Variants in SESTD1 observed in about 807,000 individuals in gnomAD.
The protein encoded by SESTD1 is SEC14 and spectrin domain containing 1, also known as SEC14 domain and spectrin repeat-containing protein 1.
SESTD1 carries 43 observed loss-of-function variants against 101.7 expected under a neutral mutation model. The observed-to-expected ratio is 0.42, with a 90% CI of 0.33 to 0.55. The LOEUF (loss-of-function observed/expected upper bound fraction) is 0.55. Ranked by LOEUF, SESTD1 falls within the 20% of genes least tolerant of loss-of-function variation. The pLI is 0.07. For synonymous variants in SESTD1, 283 were observed against 286.8 expected, an observed-to-expected ratio of 0.99 and a Z score of 0.13; for missense variants, 647 against 815.1, an observed-to-expected ratio of 0.79 and a Z score of 2.51.
chr2:179,185,837 T>C (rs1402571299), intron 2 of SESTD1, among the ~76,000 whole-genome samples: 1 of 131,072 alleles, frequency 7.6e-6, no homozygotes. Context: ...ATATAATATA[T>C]AATATAGCAT....
intron 12 of SESTD1, 72 bp downstream of exon 12, chr2:179,123,639 CTTAA>C (rs2044801189): frequency 4.3e-6 from 4 of 940,260 alleles, no homozygotes; most frequent in Non-Finnish European, 4.8e-6. Flanking sequence ...TGTAAGTTGA[CTTAA>C]TTGTCTAACC....
intron 1 of SESTD1, among the ~76,000 whole-genome samples, chr2:179,220,381 G>A (rs1269611096): frequency 6.6e-6 from 1 of 152,028 alleles, no homozygotes. Context: ...ACCAAAATAG[G>A]AGCAGCAAAA....
At chr2:179,116,908 A>G in intron 14 of SESTD1, 118 bp from the exon 15 acceptor site, 2 of 1,317,934 alleles carry the variant, frequency 1.5e-6, no homozygotes, top group Non-Finnish European at 2.0e-6. Flanking sequence ...TTATAACCTA[A>G]AGTCTTAAAA....
At chr2:179,226,291 G>A (rs1400486916) in intron 1 of SESTD1, among the ~76,000 whole-genome samples, 1 of 152,074 alleles carries the variant, frequency 6.6e-6, no homozygotes, top group Non-Finnish European at 1.5e-5. Context: ...TAAGACTGCT[G>A]AGAAGACAGG....
At chr2:179,158,308 G>A (rs2045667955) in intron 5 of SESTD1, among the ~76,000 whole-genome samples, 1 of 152,008 alleles carries the variant, frequency 6.6e-6, no homozygotes, top group African/African-American at 2.4e-5. Flanking sequence ...TACCTATCTT[G>A]TCCAATGAAG....
At chr2:179,241,048 C>A (rs748983260) in intron 1 of SESTD1, among the ~76,000 whole-genome samples, 5 of 151,676 alleles carry the variant, frequency 3.3e-5, no homozygotes, top group Admixed American at 6.6e-5. Context: ...CAAATGGAAA[C>A]TTTAGAACCA....
At chr2:179,111,941 C>T (rs1227832515) in intron 17 of SESTD1, among the ~76,000 whole-genome samples, 4 of 152,036 alleles carry the variant, frequency 2.6e-5, no homozygotes, top group Non-Finnish European at 5.9e-5. Flanking sequence ...GGATGGTCTC[C>T]ATCTCCTGAC....
At chr2:179,215,545 G>T (rs549107984) in intron 1 of SESTD1, among the ~76,000 whole-genome samples, 1 of 133,728 alleles carries the variant, frequency 7.5e-6, no homozygotes, top group African/African-American at 3.0e-5. Flanking sequence ...ATTCACAGCC[G>T]AATTCTAACA....
chr2:179,206,999 C>T (rs1346404162), intron 1 of SESTD1, among the ~76,000 whole-genome samples: 1 of 133,428 alleles, frequency 7.5e-6, no homozygotes, highest in African/African-American at 3.0e-5. Flanking sequence ...GAACATAACT[C>T]CATTGGCCTG....
chr2:179,247,539 C>A (rs550866726), intron 1 of SESTD1, among the ~76,000 whole-genome samples: 1 of 152,314 alleles, frequency 6.6e-6, no homozygotes. Flanking sequence ...ATCCCTCCCA[C>A]ATCAGCTCCT....
intron 1 of SESTD1, among the ~76,000 whole-genome samples, chr2:179,257,230 G>T (rs1196213385): frequency 6.6e-6 from 1 of 151,328 alleles, no homozygotes; most frequent in African/African-American, 2.4e-5. Context: ...GAAAAAAAAA[G>T]AAAAAGGCAA....
chr2:179,177,853 A>G (rs2046037801), intron 3 of SESTD1, among the ~76,000 whole-genome samples: 1 of 152,234 alleles, frequency 6.6e-6, no homozygotes, highest in Non-Finnish European at 1.5e-5. Flanking sequence ...ACAATGAGAC[A>G]TTATTCAGCC....
At chr2:179,200,870 T>G (rs2046499226) in intron 1 of SESTD1, among the ~76,000 whole-genome samples, 2 of 134,182 alleles carry the variant, frequency 1.5e-5, no homozygotes, top group African/African-American at 5.9e-5. Context: ...GGGCAAGGAC[T>G]TCATGTCTAA....
chr2:179,131,744 A>C, intron 10 of SESTD1, among the ~76,000 whole-genome samples: 1 of 152,166 alleles, frequency 6.6e-6, no homozygotes, highest in South Asian at 2.1e-4. Context: ...ATTATTATCT[A>C]TAATCTGCTT....
chr2:179,179,009 T>G (rs2046060999), intron 3 of SESTD1, among the ~76,000 whole-genome samples: 1 of 152,222 alleles, frequency 6.6e-6, no homozygotes, highest in South Asian at 2.1e-4. Flanking sequence ...CGCTTAACTC[T>G]GTCACATTCT....
intron 5 of SESTD1, among the ~76,000 whole-genome samples, chr2:179,156,110 A>ATG (rs749571149): frequency 4.6e-5 from 7 of 150,726 alleles, no homozygotes; most frequent in African/African-American, 1.7e-4. Flanking sequence ...TCATACGTGT[A>ATG]TATATATATA....
intron 9 of SESTD1, among the ~76,000 whole-genome samples, chr2:179,132,833 A>AT (rs1253748700): frequency 6.6e-6 from 1 of 152,240 alleles, no homozygotes; most frequent in Non-Finnish European, 1.5e-5. Context: ...TTTCAAACAG[A>AT]TTAAGTGACT....
At chr2:179,173,136 T>C (rs1246835407) in intron 4 of SESTD1, among the ~76,000 whole-genome samples, 3 of 152,198 alleles carry the variant, frequency 2.0e-5, no homozygotes, top group Admixed American at 6.5e-5. Context: ...CAGGTCTTTG[T>C]CCATGCTATT....
chr2:179,152,247 C>T (rs1575445930), intron 5 of SESTD1, among the ~76,000 whole-genome samples: 1 of 152,140 alleles, frequency 6.6e-6, no homozygotes, highest in Non-Finnish European at 1.5e-5. Context: ...ATAACTTTTT[C>T]TGGAACTCCT....
Sources: allele counts gnomAD v4.1 joint callset (sites outside exome capture counted in the v4.1 genomes callset), GRCh38; gene constraint gnomAD v4.1.1; transcripts MANE v1.5; gene names NCBI Gene and HGNC (gene_info 2026-07-23, HGNC 2026-07-21).